PTGR1: variants seen among roughly 807,000 people sequenced by gnomAD.
PTGR1 encodes 15-oxoprostaglandin 13-reductase.
In PTGR1, 23 loss-of-function variants were observed where a neutral mutation model predicts 37.7. That is an observed-to-expected ratio of 0.61 (90% CI 0.44 to 0.86). The LOEUF is 0.86. PTGR1 is among the 40% of genes least tolerant of loss of function. The pLI is 0.00. For synonymous variants in PTGR1, 134 were observed against 140.0 expected (o/e 0.96, Z 0.30); for missense variants, 351 against 394.3 (o/e 0.89, Z 0.93).
chr9:111,596,443 G>A (rs145777163), intron 2 of PTGR1, among the ~76,000 whole-genome samples: 13 of 151,794 alleles, frequency 8.6e-5, no homozygotes, highest in Admixed American at 2.6e-4. Context: ...GGGAAACCCC[G>A]TCTCTACTAA....
intron 2 of PTGR1, among the ~76,000 whole-genome samples, chr9:111,596,336 G>A (rs568926092): frequency 5.3e-5 from 8 of 152,102 alleles, no homozygotes; most frequent in Non-Finnish European, 8.8e-5. Context: ...CTTGCACAGC[G>A]GGGCATGGTG....
intron 9 of PTGR1, among the ~76,000 whole-genome samples, chr9:111,554,440 G>A (rs73656263): frequency 0.011 from 1,621 of 152,176 alleles, 32 homozygotes; most frequent in African/African-American, 0.036. Flanking sequence ...CTGTTCTTTC[G>A]GTCACCAAAC....
intron 9 of PTGR1, among the ~76,000 whole-genome samples, chr9:111,564,591 C>A (rs536065667): frequency 6.6e-6 from 1 of 151,830 alleles, no homozygotes; most frequent in Non-Finnish European, 1.5e-5. Flanking sequence ...CAGGCATGAG[C>A]CACTGCGCCT....
chr9:111,574,714 C>T lies in PTGR1; in HGVS notation c.760+20G>A, dbSNP rs1453689329. On this transcript the variant is annotated intron_variant, in intron 8 of 9. Transcript: ENST00000407693. ...TGTCCAGCCTTGTGACATATGGGAT[C>T]GTGTGCATGTGCTCATTACCTGGGG... 5 of 1,555,798 alleles carry T rather than the reference C, an allele frequency of 3.2e-6. No homozygotes were observed. The Admixed American group carries it at 5.2e-5, about 16-fold the overall frequency.
chr9:111,562,120 G>C (rs944871988), downstream of PTGR1, among the ~76,000 whole-genome samples: 6 of 151,926 alleles, frequency 3.9e-5, no homozygotes, highest in African/African-American at 7.3e-5. Context: ...TCCTGACCTC[G>C]CCTCCGCCTC....
intron 9 of PTGR1, among the ~76,000 whole-genome samples, chr9:111,567,855 G>A (rs1437099137): frequency 6.6e-6 from 1 of 152,306 alleles, no homozygotes; most frequent in East Asian, 1.9e-4. Flanking sequence ...AGCCATGGCA[G>A]AGGAACATAA....
chr9:111,594,246 A>G lies in PTGR1; in HGVS notation c.128T>C (p.Phe43Ser), dbSNP rs1829709778. The G allele has an allele frequency of 6.2e-7, 1 of 1,613,748 alleles. No homozygotes were observed. Among genetic ancestry groups the G allele is most frequent in the Non-Finnish European group, 8.5e-7 (1 of 1,179,686 alleles). ...KNGEVLLEAL[F>S]LTVDPYMRVA... Reference sequence around the variant, plus strand: ...CCTCATGTAGGGATCCACGGTGAGGAACAAAGCTTCAAGCAGGACCTCTAC... The same window carrying G: ...CCTCATGTAGGGATCCACGGTGAGGGACAAAGCTTCAAGCAGGACCTCTAC... Residue 43 changes from phenylalanine (F) to serine (S), a missense_variant, in exon 3 of 10, where the codon TTC (phenylalanine) becomes TCC (serine). Physicochemically the swap from Phe to Ser is radical, Grantham distance 155 (BLOSUM62 -2). Coordinates refer to ENST00000407693, the MANE Select transcript of PTGR1 (RefSeq NM_001146108.2).
chr9:111,574,604 TAAAA>T (rs35972893), intron 8 of PTGR1, 126 bp downstream of exon 8: 46 of 490,126 alleles, frequency 9.4e-5, no homozygotes, highest in East Asian at 1.6e-4. Context: ...GACTCTGTCT[TAAAA>T]AAAAAAAAAA....
At chr9:111,557,757 C>A (rs1456255056), downstream of PTGR1, among the ~76,000 whole-genome samples, 2 of 152,146 alleles carry the variant, frequency 1.3e-5, no homozygotes, top group African/African-American at 4.8e-5. Flanking sequence ...ATGATGTTAA[C>A]CTTGACCACT....
chr9:111,576,618 C>T, intron 7 of PTGR1: 3 of 547,752 alleles, frequency 5.5e-6, no homozygotes, highest in Non-Finnish European at 9.5e-6. Context: ...AAAATAAAAG[C>T]TACTAGGATG....
intron 9 of PTGR1, among the ~76,000 whole-genome samples, chr9:111,566,502 T>A (rs1828568805): frequency 2.6e-5 from 4 of 152,202 alleles, no homozygotes; most frequent in Non-Finnish European, 5.9e-5. Flanking sequence ...AAACATGATG[T>A]CATTTTTCCC....
chr9:111,568,693 A>G (rs1214537488), intron 9 of PTGR1, among the ~76,000 whole-genome samples: 1 of 152,098 alleles, frequency 6.6e-6, no homozygotes, highest in Non-Finnish European at 1.5e-5. Flanking sequence ...GGTCCTACTG[A>G]TATGTGGTGT....
rs1828382327 is a variant in PTGR1, at chr9:111,563,085, A to G, written c.*36T>C. 1 of 1,604,252 alleles carries G rather than the reference A, an allele frequency of 6.2e-7. No homozygotes were observed. Among genetic ancestry groups the G allele is most frequent in the African/African-American group, 1.3e-5 (1 of 74,240 alleles). On this transcript the variant is annotated 3_prime_UTR_variant, in exon 10 of 10. Transcript: ENST00000407693. Reference sequence around the variant, plus strand: ...ATGGTGAAAAACAAATTAACTAATCATCTAAATGGCCTCCAGATTCCATGT... The same window carrying G: ...ATGGTGAAAAACAAATTAACTAATCGTCTAAATGGCCTCCAGATTCCATGT...
At chr9:111,576,315 A>G in intron 7 of PTGR1, 1 of 1,604,890 alleles carries the variant, frequency 6.2e-7, no homozygotes, top group Non-Finnish European at 8.5e-7. Context: ...CTAAAATTTT[A>G]TTTGTAACCT....
At chr9:111,582,622 C>T (rs988219596) in intron 6 of PTGR1, among the ~76,000 whole-genome samples, 6 of 152,194 alleles carry the variant, frequency 3.9e-5, no homozygotes, top group Non-Finnish European at 8.8e-5. Flanking sequence ...GAAAAGTGAA[C>T]CTGATAAATG....
At chr9:111,591,882 T>C (rs1215901460) in intron 4 of PTGR1, among the ~76,000 whole-genome samples, 4 of 152,214 alleles carry the variant, frequency 2.6e-5, no homozygotes, top group Admixed American at 2.6e-4. Context: ...GTAAAGACAA[T>C]GCCAGGTTGG....
In PTGR1 at chr9:111,562,769, C is replaced by G; in HGVS notation, c.*352G>C. The G allele has an allele frequency of 1.3e-5, 3 of 226,720 alleles. No individual in the cohort carries two copies. The highest frequency in any genetic ancestry group is 2.4e-5 in the Non-Finnish European group (3 of 123,224). 14.0% of individuals were successfully genotyped at this position (226,720 alleles called of 1,614,324 possible). On this transcript the variant is annotated 3_prime_UTR_variant, in exon 10 of 10. Transcript: ENST00000407693. The stretch of plus-strand genomic sequence containing the variant: ...CCTCCCTCACCCCGGCTTCCACAGG[C>G]CCCAGCGTGTGTTGTTCCCCTCCCT...
At chr9:111,567,961 T>C (rs1828640321) in intron 9 of PTGR1, among the ~76,000 whole-genome samples, 1 of 152,242 alleles carries the variant, frequency 6.6e-6, no homozygotes, top group Non-Finnish European at 1.5e-5. Flanking sequence ...CTCTTAATCC[T>C]GTTATCTTTG....
At position 111,592,942 on chromosome 9, in the gene PTGR1, C is replaced by A; in HGVS notation, c.193G>T (p.Gly65Trp). The A allele has an allele frequency of 6.3e-7, 1 of 1,593,306 alleles. No homozygotes were observed. ...AATAATTACTTGGCCACTTGCTGCC[C>A]CATCATTGTATCACCTTCCTTCAAT... is the stretch of plus-strand genomic sequence containing the variant. Reference protein sequence around the residue: ...KRLKEGDTMMGQQVAKVVESK... With the variant: ...KRLKEGDTMMWQQVAKVVESK... Residue 65 changes from glycine (G) to tryptophan (W), a missense_variant, in exon 4 of 10, where the codon GGG becomes TGG. By Grantham distance (184) the Gly-to-Trp change is radical. Transcript: ENST00000407693.
Sources: allele counts gnomAD v4.1 joint callset (sites outside exome capture counted in the v4.1 genomes callset), GRCh38; gene constraint gnomAD v4.1.1; transcripts MANE v1.5; gene names NCBI Gene and HGNC (gene_info 2026-07-23, HGNC 2026-07-21).